The following UTRN variants were observed in gnomAD, a reference collection of about 807,000 sequenced individuals.
UTRN encodes dystrophin-related protein 1.
Under a neutral mutation model 463.9 loss-of-function variants are expected in UTRN, and 283 were observed. The ratio of observed to expected loss-of-function variants is 0.61; its 90% confidence interval spans 0.55 to 0.67. The LOEUF is 0.67. UTRN is among the 30% of genes least tolerant of loss of function. The pLI, the probability that UTRN is intolerant of heterozygous loss-of-function variation, is 0.00. For missense variants in UTRN, 3,922 were observed against 4,084.3 expected, an observed-to-expected ratio of 0.96 and a Z score of 1.08; for synonymous variants, 1,442 against 1,431.5, an observed-to-expected ratio of 1.01 and a Z score of -0.17.
At chr6:144,625,102 G>T (rs989519199) in intron 51 of UTRN, among the ~76,000 whole-genome samples, 1 of 152,158 alleles carries the variant, frequency 6.6e-6, no homozygotes, top group African/African-American at 2.4e-5. Flanking sequence ...GGCAATAAAG[G>T]CCCTAATGAA....
chr6:144,512,492 G>T lies in UTRN; in HGVS notation c.4944+1369G>T, dbSNP rs371957353. 1.1e-4 allele frequency among the ~76,000 whole-genome samples: 17 copies of T among 150,148 alleles called. No individual in the cohort carries two copies. In the South Asian group the frequency reaches 1.3e-3, roughly 11 times the overall value. On this transcript the variant is annotated intron_variant, in intron 35 of 74. Coordinates refer to ENST00000367545, the MANE Select transcript of UTRN (RefSeq NM_007124.3). ...GTTCACATTTTCTTTTTTTAAAAAT[G>T]TTTATTTTAAGTTCAGGGGTACAAG... is the stretch of plus-strand genomic sequence containing the variant.
intron 41 of UTRN, among the ~76,000 whole-genome samples, chr6:144,524,777 G>A (rs1796416857): frequency 6.6e-6 from 1 of 152,008 alleles, no homozygotes; most frequent in African/African-American, 2.4e-5. Context: ...CAGTTCTCAG[G>A]GGGAATGCTT....
intron 61 of UTRN, among the ~76,000 whole-genome samples, chr6:144,782,394 T>C (rs549806712): frequency 6.6e-6 from 1 of 152,150 alleles, no homozygotes; most frequent in African/African-American, 2.4e-5. Context: ...GCCAAAATGC[T>C]AGGGGAAACA....
intron 9 of UTRN, among the ~76,000 whole-genome samples, 172 bp from the exon 10 acceptor site, chr6:144,435,763 A>C (rs2114887299): frequency 6.6e-6 from 1 of 152,340 alleles, no homozygotes; most frequent in Non-Finnish European, 1.5e-5. Flanking sequence ...ACCCTAGTGC[A>C]CTTACTCAAT....
At chr6:144,494,534 G>C (rs1474770674) in intron 33 of UTRN, among the ~76,000 whole-genome samples, 1 of 152,210 alleles carries the variant, frequency 6.6e-6, no homozygotes, top group Non-Finnish European at 1.5e-5. Context: ...ACCCGAGCGG[G>C]TTGCCACTGC....
Position 144,564,206 on chromosome 6 carries a change from G to A in UTRN, c.7289+6895G>A, listed in dbSNP as rs187441662. ...GGAAAATAATACATAATTATAGGAG[G>A]TTGTTTTGGAGGTAAGAGAAATTAA... On this transcript the variant is annotated intron_variant, in intron 50 of 74. Coordinates refer to ENST00000367545, the MANE Select transcript of UTRN (RefSeq NM_007124.3). 5.9e-5 allele frequency among the ~76,000 whole-genome samples: 9 copies of A among 152,278 alleles called. No homozygotes were observed. The East Asian group carries it at 1.5e-3, about 26-fold the overall frequency.
chr6:144,523,656 A>T (rs995909248), intron 41 of UTRN, among the ~76,000 whole-genome samples: 1 of 152,174 alleles, frequency 6.6e-6, no homozygotes, highest in African/African-American at 2.4e-5. Context: ...TCCTTAAAGG[A>T]GGAATGTGAT....
chr6:144,522,950 G>T, intron 40 of UTRN, 66 bp from the exon 41 acceptor site: 3 of 1,167,164 alleles, frequency 2.6e-6, no homozygotes, highest in Non-Finnish European at 2.4e-6. Flanking sequence ...TAAATATCTG[G>T]TCATCTGTGA....
chr6:144,451,956 C>T (rs1218294892), intron 18 of UTRN, among the ~76,000 whole-genome samples: 4 of 152,128 alleles, frequency 2.6e-5, no homozygotes, highest in East Asian at 1.9e-4. Context: ...TTAGCCCTGC[C>T]GCTTTCCATG....
chr6:144,661,368 G>T (rs1779844757), intron 51 of UTRN, among the ~76,000 whole-genome samples: 1 of 152,162 alleles, frequency 6.6e-6, no homozygotes, highest in Non-Finnish European at 1.5e-5. Flanking sequence ...GGAGAGAGAA[G>T]AATTTAGCTC....
chr6:144,371,673 G>A (rs1040724236), intron 2 of UTRN, among the ~76,000 whole-genome samples: 2 of 152,206 alleles, frequency 1.3e-5, no homozygotes, highest in African/African-American at 4.8e-5. Context: ...CTCCCAAAGC[G>A]CTGGGATTAC....
intron 2 of UTRN, among the ~76,000 whole-genome samples, chr6:144,346,859 C>CTATCTA (rs1777613547): frequency 6.7e-6 from 1 of 148,686 alleles, no homozygotes; most frequent in African/African-American, 2.6e-5. Flanking sequence ...CACTATCTCT[C>CTATCTA]TGTCTATCTA....
At chr6:144,809,636 T>C (rs1300043055) in intron 65 of UTRN, among the ~76,000 whole-genome samples, 1 of 152,138 alleles carries the variant, frequency 6.6e-6, no homozygotes, top group Non-Finnish European at 1.5e-5. Context: ...GCCTGGGGTA[T>C]GGCCATACCC....
intron 51 of UTRN, among the ~76,000 whole-genome samples, chr6:144,613,563 T>G (rs1317075577): frequency 6.6e-6 from 1 of 152,034 alleles, no homozygotes; most frequent in East Asian, 1.9e-4. Context: ...CATATCACAT[T>G]TTAGAAAGGC....
intron 58 of UTRN, among the ~76,000 whole-genome samples, chr6:144,760,401 A>C (rs373093251): frequency 6.6e-6 from 1 of 152,200 alleles, no homozygotes; most frequent in Non-Finnish European, 1.5e-5. Flanking sequence ...CTCCATCACC[A>C]GTAAAAGATC....
intron 53 of UTRN, among the ~76,000 whole-genome samples, chr6:144,715,413 A>G (rs1478651254): frequency 6.6e-6 from 1 of 152,156 alleles, no homozygotes; most frequent in African/African-American, 2.4e-5. Flanking sequence ...CAAACTCTGT[A>G]GGGGCTTCCT....
chr6:144,742,783 T>C (rs1156922860), intron 54 of UTRN, among the ~76,000 whole-genome samples: 1 of 152,214 alleles, frequency 6.6e-6, no homozygotes, highest in African/African-American at 2.4e-5. Flanking sequence ...GCATGCAATC[T>C]CCTAATCTTT....
chr6:144,584,659 A>G (rs952503396), intron 51 of UTRN, among the ~76,000 whole-genome samples: 1 of 151,892 alleles, frequency 6.6e-6, no homozygotes, highest in Non-Finnish European at 1.5e-5. Context: ...CCAATTAGAT[A>G]TATTGCTGTC....
At chr6:144,697,146 A>T (rs1433250184) in intron 52 of UTRN, among the ~76,000 whole-genome samples, 1 of 152,194 alleles carries the variant, frequency 6.6e-6, no homozygotes. Context: ...TGTAGTAGAC[A>T]TCATCCTAGG....
Sources: allele counts gnomAD v4.1 joint callset (sites outside exome capture counted in the v4.1 genomes callset), GRCh38; gene constraint gnomAD v4.1.1; transcripts MANE v1.5; gene names NCBI Gene and HGNC (gene_info 2026-07-23, HGNC 2026-07-21).